PRELID2: variants seen among roughly 807,000 people sequenced by gnomAD.
PRELID2 encodes PRELI domain-containing protein 2.
A neutral mutation model predicts 28.4 loss-of-function variants in PRELID2; 25 were observed. The ratio of observed to expected loss-of-function variants is 0.88; its 90% CI spans 0.64 to 1.23. The LOEUF (loss-of-function observed/expected upper bound fraction) is 1.23. Ranked by LOEUF, PRELID2 falls within the 50% of genes most tolerant of loss-of-function variation. The pLI, the probability that PRELID2 is intolerant of heterozygous loss-of-function variation, is 0.00. For synonymous variants in PRELID2, 76 were observed against 71.6 expected (o/e 1.06, Z -0.31); for missense variants, 201 against 214.4 (o/e 0.94, Z 0.39).
chr5:145,633,748 G>C (rs904179867), intron 1 of PRELID2, among the ~76,000 whole-genome samples: 9 of 152,152 alleles, frequency 5.9e-5, no homozygotes, highest in African/African-American at 2.2e-4. Context: ...GCTGCTGCTG[G>C]CTTTACGTCT....
intron 1 of PRELID2, among the ~76,000 whole-genome samples, chr5:145,677,349 T>G (rs1754841257): frequency 6.6e-6 from 1 of 152,048 alleles, no homozygotes; most frequent in African/African-American, 2.4e-5. Flanking sequence ...GAGACAGGGT[T>G]TCACCATGTT....
intron 1 of PRELID2, among the ~76,000 whole-genome samples, chr5:145,615,339 T>C (rs1307833345): frequency 8.9e-6 from 1 of 112,752 alleles, no homozygotes; most frequent in Non-Finnish European, 1.7e-5. Flanking sequence ...TTTTTTTTTT[T>C]TTTTTTGAGA....
intron 1 of PRELID2, among the ~76,000 whole-genome samples, chr5:145,734,737 A>G (rs2149729850): frequency 6.6e-6 from 1 of 152,352 alleles, no homozygotes; most frequent in Non-Finnish European, 1.5e-5. Context: ...CAATGACTCT[A>G]TAAATATATA....
intron 4 of PRELID2, among the ~76,000 whole-genome samples, chr5:145,814,177 C>A (rs1754140799): frequency 6.6e-6 from 1 of 152,142 alleles, no homozygotes; most frequent in Non-Finnish European, 1.5e-5. Flanking sequence ...AGGATGTCCT[C>A]CCTGGATTTT....
At chr5:145,459,078 AT>A in the PRELID2 span, among the ~76,000 whole-genome samples, 2 of 152,184 alleles carry the variant, frequency 1.3e-5, no homozygotes, top group Non-Finnish European at 2.9e-5. Flanking sequence ...GCAGTGTGCT[AT>A]TATGTGATTC....
At chr5:145,689,271 C>A (rs1581060085) in intron 1 of PRELID2, among the ~76,000 whole-genome samples, 1 of 151,890 alleles carries the variant, frequency 6.6e-6, no homozygotes, top group African/African-American at 2.4e-5. Context: ...TCCAAGAGAC[C>A]TCCGTGAGGC....
intron 4 of PRELID2, among the ~76,000 whole-genome samples, chr5:145,799,864 C>G (rs531365659): frequency 6.6e-6 from 1 of 152,194 alleles, no homozygotes; most frequent in African/African-American, 2.4e-5. Context: ...CTGACTAAAA[C>G]GCTCCTTGCC....
chr5:145,662,445 G>C (rs935712603), intron 1 of PRELID2, among the ~76,000 whole-genome samples: 1 of 151,908 alleles, frequency 6.6e-6, no homozygotes, highest in Non-Finnish European at 1.5e-5. Flanking sequence ...AGTGTAGGGA[G>C]AAAGAAAAGG....
chr5:145,243,960 G>GT, the PRELID2 span, among the ~76,000 whole-genome samples: 1 of 151,834 alleles, frequency 6.6e-6, no homozygotes, highest in African/African-American at 2.4e-5. Context: ...TTGTTTGTTT[G>GT]TTTTTTGAGA....
the PRELID2 span, among the ~76,000 whole-genome samples, chr5:145,241,066 T>C: frequency 1.3e-5 from 2 of 152,002 alleles, no homozygotes; most frequent in Admixed American, 6.6e-5. Context: ...AGGGTTGTTC[T>C]CAGAATTAAG....
chr5:145,233,022 T>TATTTATACTACTACCCCTGCTATTTGAA, the PRELID2 span, among the ~76,000 whole-genome samples: 2 of 151,890 alleles, frequency 1.3e-5, no homozygotes, highest in Non-Finnish European at 2.9e-5. Flanking sequence ...CATATATAGA[T>TATTTATACTACTACCCCTGCTATTTGAA]ATTTATACTA....
chr5:145,452,750 AAG>A, the PRELID2 span, among the ~76,000 whole-genome samples: 5 of 152,160 alleles, frequency 3.3e-5, no homozygotes, highest in African/African-American at 1.2e-4. Flanking sequence ...GCAAGGAAGA[AAG>A]AGAGGTGAGA....
the PRELID2 span, among the ~76,000 whole-genome samples, chr5:145,272,403 T>C: frequency 6.6e-6 from 1 of 152,132 alleles, no homozygotes. Context: ...GAATCATCTC[T>C]GGTCTCGGAG....
the PRELID2 span, among the ~76,000 whole-genome samples, chr5:145,374,886 C>A: frequency 3.3e-5 from 5 of 152,064 alleles, no homozygotes; most frequent in Non-Finnish European, 7.4e-5. Context: ...CTTCTCTATC[C>A]TTTTATTAAG....
intron 1 of PRELID2, among the ~76,000 whole-genome samples, chr5:145,673,577 A>G (rs939053981): frequency 2.6e-5 from 4 of 152,164 alleles, no homozygotes; most frequent in Non-Finnish European, 5.9e-5. Flanking sequence ...ATAAAACAAC[A>G]TAACACAACT....
intron 1 of PRELID2, among the ~76,000 whole-genome samples, chr5:145,582,844 T>C (rs1452726455): frequency 6.6e-6 from 1 of 152,030 alleles, no homozygotes; most frequent in African/African-American, 2.4e-5. Flanking sequence ...CAGACAGATT[T>C]ATAGCTGAAT....
At chr5:145,297,103 G>A in the PRELID2 span, among the ~76,000 whole-genome samples, 35 of 152,146 alleles carry the variant, frequency 2.3e-4, no homozygotes, top group East Asian at 6.2e-3. Context: ...CCCTTTGTCA[G>A]ATGAGTAGGT....
chr5:145,378,907 C>A, the PRELID2 span, among the ~76,000 whole-genome samples: 1 of 152,116 alleles, frequency 6.6e-6, no homozygotes, highest in Non-Finnish European at 1.5e-5. Flanking sequence ...TCTTTTTCAT[C>A]TTTGTGGGCT....
intron 1 of PRELID2, among the ~76,000 whole-genome samples, chr5:145,620,130 A>C (rs1753753866): frequency 6.6e-6 from 1 of 152,228 alleles, no homozygotes; most frequent in Non-Finnish European, 1.5e-5. Flanking sequence ...ACACATTCAT[A>C]TTATCCATAG....
Sources: gnomAD v4.1 joint callset for allele counts (sites outside exome capture counted in the v4.1 genomes callset) on GRCh38, gnomAD v4.1.1 for gene constraint, MANE v1.5 for transcripts, NCBI Gene and HGNC (gene_info 2026-07-23, HGNC 2026-07-21) for gene names.